The following DIAPH2 variants were observed in gnomAD, a reference collection of about 807,000 sequenced individuals.
DIAPH2 encodes protein diaphanous homolog 2.
Under a neutral mutation model 92.7 loss-of-function variants are expected in DIAPH2, and 35 were observed. That is an observed-to-expected ratio of 0.38 (90% confidence interval 0.29 to 0.50). The LOEUF is 0.50. Among genes scored for constraint, DIAPH2 ranks in the 20% least tolerant of loss-of-function variants. DIAPH2 has a pLI of 0.94. For synonymous variants in DIAPH2, 301 were observed against 280.4 expected, an observed-to-expected ratio of 1.07 and a Z score of -0.73; for missense variants, 701 against 819.5, an observed-to-expected ratio of 0.86 and a Z score of 1.77.
intron 20 of DIAPH2, 24 bp from the exon 21 acceptor site, chrX:97,114,702 C>T: frequency 8.5e-7 from 1 of 1,179,810 alleles, no homozygotes; most frequent in Non-Finnish European, 1.1e-6. Context: ...TGTATATTCT[C>T]ATAGGGTATT....
At chrX:96,899,860 G>C (rs888481002) in intron 5 of DIAPH2, among the ~76,000 whole-genome samples, 7 of 110,815 alleles carry the variant, frequency 6.3e-5, no homozygotes, top group African/African-American at 2.3e-4. Flanking sequence ...TATTGGCTGT[G>C]GGTTTGTCAT....
At chrX:97,162,905 T>C (rs936506431) in intron 22 of DIAPH2, among the ~76,000 whole-genome samples, 2 of 111,489 alleles carry the variant, frequency 1.8e-5, no homozygotes, top group Admixed American at 1.9e-4. Flanking sequence ...TATGAACATA[T>C]TTAAAATATT....
At chrX:97,227,830 G>T (rs1001822287) in intron 22 of DIAPH2, among the ~76,000 whole-genome samples, 13 of 112,053 alleles carry the variant, frequency 1.2e-4, no homozygotes, top group African/African-American at 4.2e-4. Context: ...ATGTAAAACT[G>T]ACTGTAAAAT....
intron 3 of DIAPH2, among the ~76,000 whole-genome samples, chrX:96,745,997 T>G (rs2064147586): frequency 1.8e-5 from 2 of 111,913 alleles, no homozygotes; most frequent in Non-Finnish European, 3.8e-5. Context: ...ACTCCTCGGC[T>G]CAAGCCCTCC....
chrX:97,178,443 C>CTTTTT (rs766983375), intron 22 of DIAPH2, among the ~76,000 whole-genome samples: 9 of 67,289 alleles, frequency 1.3e-4, no homozygotes, highest in African/African-American at 5.0e-4. Flanking sequence ...CTATATTTCT[C>CTTTTT]TTTTTTTTTT....
rs199849674 is a variant in DIAPH2, at chrX:97,269,745, A to AT, written c.2844+21911dup. Among the ~76,000 whole-genome samples the AT allele has an allele frequency of 3.4e-3, 355 of 104,597 alleles. 7 individuals carry two copies. Among genetic ancestry groups the AT allele is most frequent in the African/African-American group, 0.012 (326 of 26,872 alleles). 90.8% of individuals were successfully genotyped at this position (104,597 alleles called of 115,157 possible). A position where few individuals can be genotyped will look rare whatever the true frequency, so the allele number is the denominator to read the frequency against. ...ATAAAGACACAATGAAGGAGATACT[A>AT]TTTTTATTTTTTTTTTTTTTTTTTG... On this transcript the variant is annotated intron_variant, in intron 23 of 26. Transcript: ENST00000324765.
intron 4 of DIAPH2, among the ~76,000 whole-genome samples, chrX:96,762,601 T>C (rs937493751): frequency 3.6e-4 from 40 of 111,093 alleles, no homozygotes; most frequent in African/African-American, 1.2e-3. Context: ...GTAACATTTA[T>C]ATACTAAAAT....
chrX:97,521,590 C>T (rs908858163), intron 26 of DIAPH2, among the ~76,000 whole-genome samples: 5 of 111,178 alleles, frequency 4.5e-5, no homozygotes, highest in South Asian at 3.8e-4. Context: ...TGAATCATGG[C>T]GGTGGTTTCC....
At chrX:96,900,240 C>T (rs774493096) in intron 5 of DIAPH2, among the ~76,000 whole-genome samples, 12 of 111,319 alleles carry the variant, frequency 1.1e-4, no homozygotes, top group Admixed American at 1.9e-4. Context: ...TATTTGTTTT[C>T]GTTTTGCAGC....
chrX:97,168,654 T>C (rs747915634), intron 22 of DIAPH2, among the ~76,000 whole-genome samples: 10 of 111,633 alleles, frequency 9.0e-5, no homozygotes, highest in Non-Finnish European at 1.5e-4. Flanking sequence ...TATGCAAGTA[T>C]CTCTTAGTCT....
At chrX:97,416,433 C>T (rs1223763142) in intron 25 of DIAPH2, among the ~76,000 whole-genome samples, 3 of 112,351 alleles carry the variant, frequency 2.7e-5, no homozygotes, top group Non-Finnish European at 5.6e-5. Context: ...ATATACACCT[C>T]TTCCAAAAGG....
At chrX:97,172,228 A>G (rs2147453704) in intron 22 of DIAPH2, among the ~76,000 whole-genome samples, 1 of 112,201 alleles carries the variant, frequency 8.9e-6, no homozygotes. Flanking sequence ...AATATGACAA[A>G]CATTTTCTCT....
Position 97,344,732 on chromosome X carries a change from G to C in DIAPH2, c.2845-3384G>C, listed in dbSNP as rs2069141563. On this transcript the variant is annotated intron_variant, in intron 23 of 26. Coordinates refer to ENST00000324765, the MANE Select transcript of DIAPH2 (RefSeq NM_006729.5). ...GAGACAATTTCTGAAATCAGTTTTT[G>C]TTCTATAAGAACAAATTTATGAAAT... is the stretch of plus-strand genomic sequence containing the variant. Among the ~76,000 whole-genome samples the C allele has an allele frequency of 8.9e-5, 10 of 111,901 alleles. No individual in the cohort carries two copies. In the Admixed American group the frequency reaches 9.5e-4, roughly 11 times the overall value.
chrX:96,777,268 C>T (rs2078545762), intron 4 of DIAPH2, among the ~76,000 whole-genome samples: 1 of 111,376 alleles, frequency 9.0e-6, no homozygotes, highest in African/African-American at 3.3e-5. Context: ...CTTTAAAAAC[C>T]TAATGAAAAA....
At chrX:97,103,175 A>G (rs1274592315) in intron 20 of DIAPH2, among the ~76,000 whole-genome samples, 1 of 111,503 alleles carries the variant, frequency 9.0e-6, no homozygotes, top group African/African-American at 3.3e-5. Context: ...TTTAGGTGGT[A>G]GTATCTCTTG....
At chrX:96,811,661 C>T (rs2064682453) in intron 4 of DIAPH2, among the ~76,000 whole-genome samples, 1 of 111,502 alleles carries the variant, frequency 9.0e-6, no homozygotes, top group Middle Eastern at 4.2e-3. Flanking sequence ...GTGGGTTTCT[C>T]ATAAATAGCT....
intron 22 of DIAPH2, among the ~76,000 whole-genome samples, chrX:97,176,143 A>G (rs1350510209): frequency 8.9e-6 from 1 of 112,176 alleles, no homozygotes. Context: ...TCTTTTCTTT[A>G]GCTACTTCTA....
intron 20 of DIAPH2, among the ~76,000 whole-genome samples, 195 bp from the exon 21 acceptor site, chrX:97,114,531 G>A (rs2067004247): frequency 8.9e-6 from 1 of 112,091 alleles, no homozygotes; most frequent in African/African-American, 3.2e-5. Context: ...TTAAAAACCT[G>A]TATAGCCAAC....
At chrX:96,993,797 A>T (rs2066087622) in intron 17 of DIAPH2, among the ~76,000 whole-genome samples, 1 of 112,175 alleles carries the variant, frequency 8.9e-6, no homozygotes, top group Admixed American at 9.5e-5. Flanking sequence ...ATTAAAGATG[A>T]ATTGAGATGT....
Sources: allele counts gnomAD v4.1 joint callset (sites outside exome capture counted in the v4.1 genomes callset), GRCh38; gene constraint gnomAD v4.1.1; transcripts MANE v1.5; gene names NCBI Gene and HGNC (gene_info 2026-07-23, HGNC 2026-07-21).